The following PCSK5 variants were observed in gnomAD, a reference collection of about 807,000 sequenced individuals.
PCSK5 encodes proprotein convertase subtilisin/kexin type 5.
PCSK5 carries 129 observed loss-of-function variants against 233.2 expected under a neutral mutation model. The ratio of observed to expected loss-of-function variants is 0.55; its 90% confidence interval spans 0.48 to 0.64. The LOEUF (loss-of-function observed/expected upper bound fraction) is 0.64. Ranked by LOEUF, PCSK5 falls within the 30% of genes least tolerant of loss-of-function variation. PCSK5 has a pLI of 0.00. For missense variants in PCSK5, 2,076 were observed against 2,430.1 expected (o/e 0.85, Z 3.06); for synonymous variants, 825 against 879.2 (o/e 0.94, Z 1.09).
At chr9:76,076,930 T>C (rs1195155290) in intron 7 of PCSK5, among the ~76,000 whole-genome samples, 1 of 152,184 alleles carries the variant, frequency 6.6e-6, no homozygotes, top group Admixed American at 6.5e-5. Context: ...GCAACATGAA[T>C]ATTTAACATT....
chr9:76,043,075 C>G (rs145238974), intron 5 of PCSK5, among the ~76,000 whole-genome samples: 5 of 151,910 alleles, frequency 3.3e-5, no homozygotes, highest in African/African-American at 1.2e-4. Context: ...GGCCAGGCGC[C>G]GTCGCTCACG....
chr9:75,971,201 G>A (rs181413111), intron 2 of PCSK5, among the ~76,000 whole-genome samples: 9 of 151,292 alleles, frequency 5.9e-5, no homozygotes, highest in African/African-American at 1.2e-4. Context: ...TTCTGTTCCC[G>A]TGTTTGTTTG....
At chr9:75,999,859 G>A (rs910902757) in intron 3 of PCSK5, among the ~76,000 whole-genome samples, 5 of 152,180 alleles carry the variant, frequency 3.3e-5, no homozygotes, top group Admixed American at 3.3e-4. Flanking sequence ...TAGGACATAG[G>A]CATGGGCAAA....
intron 24 of PCSK5, among the ~76,000 whole-genome samples, chr9:76,288,698 G>A (rs548348460): frequency 2.6e-4 from 39 of 152,306 alleles, no homozygotes; most frequent in Middle Eastern, 3.4e-3. Flanking sequence ...TCACAGAGCA[G>A]TAAGAGGCCA....
intron 30 of PCSK5, among the ~76,000 whole-genome samples, chr9:76,314,102 C>A (rs1828947422): frequency 6.6e-6 from 1 of 152,136 alleles, no homozygotes; most frequent in South Asian, 2.1e-4. Context: ...CAGGAATTGA[C>A]AACACATTAA....
chr9:76,069,716 T>G (rs1453826890), intron 6 of PCSK5, among the ~76,000 whole-genome samples: 5 of 152,208 alleles, frequency 3.3e-5, no homozygotes, highest in Non-Finnish European at 7.3e-5. Flanking sequence ...AAGTGTTATG[T>G]CCTACTCTCC....
chr9:76,067,857 T>G (rs1037448922), intron 5 of PCSK5, 98 bp from the exon 6 acceptor site: 1 of 924,106 alleles, frequency 1.1e-6, no homozygotes. Context: ...ACACCACAGC[T>G]GGGTACATTC....
intron 7 of PCSK5, among the ~76,000 whole-genome samples, chr9:76,087,834 T>G (rs940083124): frequency 1.3e-5 from 2 of 152,126 alleles, no homozygotes; most frequent in Admixed American, 1.3e-4. Flanking sequence ...AAAAGATAGA[T>G]TGGTGAGGTT....
intron 6 of PCSK5, 105 bp downstream of exon 6, chr9:76,068,148 C>G: frequency 1.3e-6 from 1 of 767,748 alleles, no homozygotes; most frequent in South Asian, 1.5e-5. Flanking sequence ...TTGGGCATAT[C>G]TCTACCTAAT....
chr9:76,255,086 A>G (rs536180972), intron 24 of PCSK5, among the ~76,000 whole-genome samples: 1 of 152,254 alleles, frequency 6.6e-6, no homozygotes, highest in African/African-American at 2.4e-5. Context: ...CAGGAGTTTG[A>G]GATCAGCCTG....
At chr9:76,051,812 CAG>C (rs1259885785) in intron 5 of PCSK5, among the ~76,000 whole-genome samples, 3 of 152,158 alleles carry the variant, frequency 2.0e-5, no homozygotes, top group African/African-American at 7.2e-5. Flanking sequence ...GGTGGAAAAT[CAG>C]ACAGGCTGCT....
chr9:76,310,250 A>G (rs2131437423), intron 29 of PCSK5, among the ~76,000 whole-genome samples: 1 of 151,462 alleles, frequency 6.6e-6, no homozygotes, highest in East Asian at 1.9e-4. Flanking sequence ...TCCTTCTCAA[A>G]AAAAAAAAAA....
At chr9:76,270,342 A>G (rs534692511) in intron 24 of PCSK5, among the ~76,000 whole-genome samples, 6 of 152,198 alleles carry the variant, frequency 3.9e-5, no homozygotes, top group Non-Finnish European at 8.8e-5. Context: ...CAATCAGGGA[A>G]TGGAAGGTTG....
In PCSK5 at chr9:76,292,219, T is replaced by A. The variant is rs565125986; in HGVS notation, c.3143-14T>A. The A allele has an allele frequency of 2.4e-6, 2 of 818,098 alleles. No homozygotes were observed. The highest frequency in any genetic ancestry group is 2.9e-5 in the Admixed American group (1 of 34,202). 50.7% of individuals were successfully genotyped at this position (818,098 alleles called of 1,614,324 possible). A position where few individuals can be genotyped will look rare whatever the true frequency, so the allele number is the denominator to read the frequency against. Reference sequence around the variant, plus strand: ...TCCTCATGATTATTACTTTTTATTATTTTTTTTTTCCAGATGATCCAGGAA... The same window carrying A: ...TCCTCATGATTATTACTTTTTATTAATTTTTTTTTCCAGATGATCCAGGAA... On this transcript the variant is annotated splice_polypyrimidine_tract_variant and intron_variant, in intron 24 of 37. Coordinates refer to ENST00000674117, the MANE Select transcript of PCSK5 (RefSeq NM_001372043.1).
At chr9:76,329,206 G>C (rs1259346188) in intron 33 of PCSK5, among the ~76,000 whole-genome samples, 1 of 151,976 alleles carries the variant, frequency 6.6e-6, no homozygotes, top group South Asian at 2.1e-4. Flanking sequence ...CACGATCATG[G>C]TTCACTGCAG....
At position 76,340,612 on chromosome 9, in the gene PCSK5, T is replaced by C. The variant is rs112216755; in HGVS notation, c.4966+2165T>C. On this transcript the variant is annotated intron_variant, in intron 35 of 37. Coordinates refer to ENST00000674117, the MANE Select transcript of PCSK5 (RefSeq NM_001372043.1). Reference sequence around the variant, plus strand: ...GTGAGCCGAGATTGCGCCATTGCACTCCAGCGTGGCAACAGAACGAGACTG... The same window carrying C: ...GTGAGCCGAGATTGCGCCATTGCACCCCAGCGTGGCAACAGAACGAGACTG... Among the ~76,000 whole-genome samples the C allele has an allele frequency of 9.6e-3, 1,176 of 122,758 alleles. 16 individuals carry two copies. The highest frequency in any genetic ancestry group is 0.036 in the African/African-American group (1,120 of 31,516). 80.5% of individuals were successfully genotyped at this position (122,758 alleles called of 152,430 possible). A position where few individuals can be genotyped will look rare whatever the true frequency, so the allele number is the denominator to read the frequency against.
intron 2 of PCSK5, among the ~76,000 whole-genome samples, chr9:75,967,142 G>T (rs1009750137): frequency 1.3e-5 from 2 of 151,954 alleles, no homozygotes; most frequent in African/African-American, 4.8e-5. Flanking sequence ...TTAGGTTCAG[G>T]GGGTGAATGT....
In PCSK5 at chr9:76,359,293, T is replaced by C. The variant is rs1389533343; in HGVS notation, c.*371T>C. ...ATAGAAATTCTGTTTCCGAGCTGCA[T>C]TGTGGAGGTGTCTGCTGCCTCCTGG... On this transcript the variant is annotated 3_prime_UTR_variant, in exon 38 of 38. Transcript: ENST00000674117. 1.0e-5 allele frequency: 2 copies of C among 195,628 alleles called. No individual in the cohort carries two copies. Among genetic ancestry groups the C allele is most frequent in the African/African-American group, 2.3e-5 (1 of 43,464 alleles). 12.1% of individuals were successfully genotyped at this position (195,628 alleles called of 1,614,324 possible).
At chr9:76,036,574 A>G (rs1029217017) in intron 5 of PCSK5, among the ~76,000 whole-genome samples, 1 of 152,192 alleles carries the variant, frequency 6.6e-6, no homozygotes, top group Non-Finnish European at 1.5e-5. Flanking sequence ...TTAAACAACC[A>G]AAACACCTAC....
Sources: gnomAD v4.1 joint callset for allele counts (sites outside exome capture counted in the v4.1 genomes callset) on GRCh38, gnomAD v4.1.1 for gene constraint, MANE v1.5 for transcripts, NCBI Gene and HGNC (gene_info 2026-07-23, HGNC 2026-07-21) for gene names.